The following LGSN variants were observed in gnomAD, a reference collection of about 807,000 sequenced individuals.
LGSN encodes the protein lengsin.
Under a neutral mutation model 19.5 loss-of-function variants are expected in LGSN, and 21 were observed. The ratio of observed to expected loss-of-function variants is 1.07; its 90% CI spans 0.76 to 1.55. The LOEUF (loss-of-function observed/expected upper bound fraction) is 1.55, where lower values mean the gene tolerates loss of function less well. Ranked by LOEUF, LGSN falls within the 40% of genes most tolerant of loss-of-function variation. The pLI is 0.00. For missense variants in LGSN, 673 were observed against 608.5 expected (o/e 1.11, Z -1.12); for synonymous variants, 257 against 215.6 (o/e 1.19, Z -1.68).
the LGSN span, among the ~76,000 whole-genome samples, chr6:63,345,279 T>C: frequency 1.3e-5 from 2 of 152,326 alleles, no homozygotes; most frequent in African/African-American, 4.8e-5. Flanking sequence ...TTTTTATTTC[T>C]TCTCTTTTAC....
the LGSN span, among the ~76,000 whole-genome samples, chr6:63,521,193 G>T: frequency 6.6e-6 from 1 of 151,714 alleles, no homozygotes; most frequent in Non-Finnish European, 1.5e-5. Flanking sequence ...ACAAACCTGA[G>T]CATTCAGCAC....
chr6:63,502,961 A>G, the LGSN span, among the ~76,000 whole-genome samples: 6 of 152,208 alleles, frequency 3.9e-5, no homozygotes, highest in Non-Finnish European at 5.9e-5. Flanking sequence ...TAATTAATCA[A>G]TCGATGTCAG....
At chr6:63,395,152 AG>A in the LGSN span, 2 of 152,522 alleles carry the variant, frequency 1.3e-5, no homozygotes, top group African/African-American at 4.8e-5. Flanking sequence ...CTGGGCAGTC[AG>A]ATCCACCCAG....
At chr6:63,392,905 G>A in the LGSN span, among the ~76,000 whole-genome samples, 901 of 22,922 alleles carry the variant, frequency 0.039, 6 homozygotes, top group Non-Finnish European at 0.056. Context: ...TTTTTTTTTT[G>A]ATATGGAGTC....
chr6:63,572,297 C>G, the LGSN span: 1 of 206,298 alleles, frequency 4.8e-6, no homozygotes, highest in Non-Finnish European at 9.7e-6. Context: ...GATGCTCCGA[C>G]TCGGCGCTTA....
At chr6:63,346,612 A>G in the LGSN span, among the ~76,000 whole-genome samples, 1 of 152,126 alleles carries the variant, frequency 6.6e-6, no homozygotes, top group African/African-American at 2.4e-5. Flanking sequence ...GATTTAACCT[A>G]AGGAGGGAGT....
chr6:63,528,614 C>T, the LGSN span, among the ~76,000 whole-genome samples: 10 of 151,762 alleles, frequency 6.6e-5, no homozygotes, highest in African/African-American at 2.2e-4. Flanking sequence ...CCAGGCATGG[C>T]GGCATGCATG....
At chr6:63,361,435 G>A in the LGSN span, among the ~76,000 whole-genome samples, 13 of 152,184 alleles carry the variant, frequency 8.5e-5, no homozygotes, top group Admixed American at 6.5e-5. Flanking sequence ...AAGGCTCCGT[G>A]GGTGTAGGAC....
chr6:63,418,918 C>A, the LGSN span, among the ~76,000 whole-genome samples: 1 of 152,154 alleles, frequency 6.6e-6, no homozygotes, highest in Non-Finnish European at 1.5e-5. Flanking sequence ...CTTCCCTCTT[C>A]ACAGCATGAG....
At chr6:63,416,412 C>T in the LGSN span, among the ~76,000 whole-genome samples, 8 of 152,202 alleles carry the variant, frequency 5.3e-5, no homozygotes, top group African/African-American at 1.9e-4. Flanking sequence ...GTAACTCAGT[C>T]TTTCTTTGCA....
the LGSN span, among the ~76,000 whole-genome samples, chr6:63,341,472 G>T: frequency 6.6e-6 from 1 of 152,170 alleles, no homozygotes; most frequent in Non-Finnish European, 1.5e-5. Context: ...CCTGTCTCTA[G>T]AGTGGCTGGG....
chr6:63,467,737 G>A, the LGSN span, among the ~76,000 whole-genome samples: 1 of 152,176 alleles, frequency 6.6e-6, no homozygotes, highest in Non-Finnish European at 1.5e-5. Context: ...TGTTGCCCAG[G>A]CTGCAGTGCG....
chr6:63,452,355 A>G, the LGSN span, among the ~76,000 whole-genome samples: 1 of 151,654 alleles, frequency 6.6e-6, no homozygotes, highest in East Asian at 1.9e-4. Context: ...CTGAAGCAAT[A>G]CTCCTGCCTC....
the LGSN span, among the ~76,000 whole-genome samples, chr6:63,355,155 T>A: frequency 2.0e-5 from 3 of 152,220 alleles, no homozygotes; most frequent in African/African-American, 7.2e-5. Context: ...GAAAAGGTGA[T>A]GTGTATCCTA....
At chr6:63,373,407 A>G in the LGSN span, among the ~76,000 whole-genome samples, 1 of 152,180 alleles carries the variant, frequency 6.6e-6, no homozygotes, top group African/African-American at 2.4e-5. Context: ...GTAACTCCTA[A>G]TATGCTACAC....
the LGSN span, among the ~76,000 whole-genome samples, chr6:63,326,284 C>A: frequency 1.3e-5 from 2 of 152,090 alleles, no homozygotes; most frequent in African/African-American, 2.4e-5. Flanking sequence ...TGTTTACAAA[C>A]CTTGAGCTAG....
rs373679612 is a variant in LGSN at position 63,280,172 on chromosome 6, T to C, written c.1379A>G (p.Glu460Gly). Residue 460 changes from glutamate (E) to glycine (G), a missense_variant, in exon 4 of 4, where the codon GAA becomes GGA. Transcript: ENST00000370657. Reference protein sequence around the residue: ...VEPSEIPLKLEDALVALEEDQ... With the variant: ...VEPSEIPLKLGDALVALEEDQ... ...TTCTTCCAGTGCCACAAGGGCATCT[T>C]CTAGTTTTAAAGGGATCTCAGAAGG... The C allele has an allele frequency of 1.2e-6, 2 of 1,614,112 alleles. No individual in the cohort carries two copies. Among genetic ancestry groups the C allele is most frequent in the Non-Finnish European group, 1.7e-6 (2 of 1,180,054 alleles).
chr6:63,502,472 G>GA, the LGSN span, among the ~76,000 whole-genome samples: 2 of 151,784 alleles, frequency 1.3e-5, no homozygotes, highest in Non-Finnish European at 2.9e-5. Context: ...AAATGGTAGG[G>GA]AAAAAAATGA....
the LGSN span, among the ~76,000 whole-genome samples, chr6:63,486,557 G>C: frequency 6.6e-6 from 1 of 152,138 alleles, no homozygotes; most frequent in Non-Finnish European, 1.5e-5. Flanking sequence ...AAGATGCAGA[G>C]GTAGGCCCAG....
Sources: allele counts gnomAD v4.1 joint callset (sites outside exome capture counted in the v4.1 genomes callset), GRCh38; gene constraint gnomAD v4.1.1; transcripts MANE v1.5; gene names NCBI Gene and HGNC (gene_info 2026-07-23, HGNC 2026-07-21).